CEBPZ: variants seen among roughly 807,000 people sequenced by gnomAD.
The protein encoded by CEBPZ is CCAAT enhancer binding protein zeta.
A neutral mutation model predicts 104.5 loss-of-function variants in CEBPZ; 78 were observed. The observed-to-expected ratio is 0.75, with a 90% CI of 0.62 to 0.90. The LOEUF (loss-of-function observed/expected upper bound fraction) is 0.90. Among genes scored for constraint, CEBPZ ranks in the 40% least tolerant of loss-of-function variants. The pLI is 0.00. For synonymous variants in CEBPZ, 470 were observed against 427.0 expected (o/e 1.10, Z -1.24); for missense variants, 1,439 against 1,233.5 (o/e 1.17, Z -2.50).
chr2:37,202,173 C>CA (rs1677280106), intron 15 of CEBPZ: 1 of 245,772 alleles, frequency 4.1e-6, no homozygotes, highest in Admixed American at 5.4e-5. Context: ...AAATAAAAAC[C>CA]AGTAACAATC....
intron 13 of CEBPZ, chr2:37,203,478 C>T (rs1677384534): frequency 6.6e-6 from 1 of 152,184 alleles, no homozygotes; most frequent in Non-Finnish European, 1.5e-5. Context: ...AAAAACTTAT[C>T]TGTAGTACTG....
intron 1 of CEBPZ, 148 bp from the exon 2 acceptor site, chr2:37,229,184 A>G (rs1051638981): frequency 3.1e-5 from 20 of 645,282 alleles, no homozygotes; most frequent in Non-Finnish European, 4.3e-5. Context: ...CCACAAAGGA[A>G]AGGATAAGTA....
intron 1 of CEBPZ, among the ~76,000 whole-genome samples, chr2:37,230,657 T>TGCC (rs1178382766): frequency 6.6e-6 from 1 of 152,206 alleles, no homozygotes; most frequent in African/African-American, 2.4e-5. Context: ...AGCAAAAGCC[T>TGCC]GCCCTCTGAC....
intron 2 of CEBPZ, among the ~76,000 whole-genome samples, chr2:37,224,782 T>C (rs1415380376): frequency 2.0e-5 from 3 of 152,200 alleles, no homozygotes; most frequent in Non-Finnish European, 4.4e-5. Flanking sequence ...GTTTTCTTAA[T>C]GTGAAGGATT....
At chr2:37,213,554 G>C (rs1453645274) in intron 10 of CEBPZ, 3 of 205,330 alleles carry the variant, frequency 1.5e-5, no homozygotes, top group African/African-American at 7.1e-5. Flanking sequence ...TGGGACTACA[G>C]GTGCGTGCCA....
At chr2:37,231,181 C>T in intron 1 of CEBPZ, 2 of 697,280 alleles carry the variant, frequency 2.9e-6, no homozygotes, top group Non-Finnish European at 5.3e-6. Flanking sequence ...ATCAGAAGAT[C>T]GCCTACATCC....
rs1433177416 is a variant in CEBPZ, at chr2:37,220,417, C to A, written c.2122G>T (p.Ala708Ser). 6.3e-7 allele frequency: 1 copy of A among 1,595,424 alleles called. No individual in the cohort carries two copies. The highest frequency in any genetic ancestry group is 1.7e-5 in the Admixed American group (1 of 58,280). The change falls in exon 5 of 16, where the codon GCT becomes TCT. Residue 708 changes from alanine to serine, a missense_variant. Transcript: ENST00000234170. ...PFSRNPLFCG[A>S]ENTSLWELKK... ...AGTTCCCAAAGACTTGTATTTTCAGCTCCACAGAACAGAGGGTTTCTACTG... is the reference window on the plus strand; with the variant it reads ...AGTTCCCAAAGACTTGTATTTTCAGATCCACAGAACAGAGGGTTTCTACTG...
chr2:37,203,999 C>T (rs11902292), intron 13 of CEBPZ: 7,981 of 152,196 alleles, frequency 0.052, 225 homozygotes, highest in African/African-American at 0.06. Flanking sequence ...CAATCATGTA[C>T]AAGTCTTTGT....
intron 3 of CEBPZ, among the ~76,000 whole-genome samples, 160 bp from the exon 4 acceptor site, chr2:37,222,723 G>C (rs1405053652): frequency 1.3e-5 from 2 of 152,182 alleles, no homozygotes; most frequent in Non-Finnish European, 2.9e-5. Flanking sequence ...ATTTAAACAA[G>C]AGAGGAGATT....
intron 4 of CEBPZ, among the ~76,000 whole-genome samples, chr2:37,221,256 C>T (rs796209591): frequency 3.3e-5 from 5 of 152,076 alleles, no homozygotes; most frequent in South Asian, 4.1e-4. Context: ...TTTGAGGCTG[C>T]AGTGAGCCAT....
At chr2:37,229,066 T>A in intron 1 of CEBPZ, 30 bp from the exon 2 acceptor site, 1 of 1,411,792 alleles carries the variant, frequency 7.1e-7, no homozygotes, top group African/African-American at 1.5e-5. Flanking sequence ...TAAAAATACA[T>A]TACAAATGTG....
intron 2 of CEBPZ, among the ~76,000 whole-genome samples, chr2:37,226,098 C>T (rs1006852219): frequency 1.1e-4 from 17 of 151,910 alleles, no homozygotes; most frequent in Admixed American, 9.2e-4. Flanking sequence ...CGAGAAACAC[C>T]GACAGATGAT....
Position 37,220,402 on chromosome 2 carries a change from G to A in CEBPZ, c.2137C>T (p.Leu713Phe), listed in dbSNP as rs1211634848. ...PLFCGAENTS[L>F]WELKKLSVHF... ...TATTTTACCTTTTTGAGTTCCCAAA[G>A]ACTTGTATTTTCAGCTCCACAGAAC... The change falls in exon 5 of 16, where the codon CTT (leucine) becomes TTT (phenylalanine). Residue 713 changes from leucine to phenylalanine, a missense_variant. Transcript: ENST00000234170. The A allele has an allele frequency of 6.3e-7, 1 of 1,580,030 alleles. No individual in the cohort carries two copies.
chr2:37,228,949 C>G lies in CEBPZ; in HGVS notation c.244G>C (p.Gly82Arg), dbSNP rs1034048318. 6.2e-7 allele frequency: 1 copy of G among 1,610,798 alleles called. No homozygotes were observed. Among genetic ancestry groups the G allele is most frequent in the Admixed American group, 1.7e-5 (1 of 59,628 alleles). Residue 82 changes from glycine (G) to arginine (R), a missense_variant, in exon 2 of 16, where the codon GGT becomes CGT. Gly to Arg is a moderately radical substitution (Grantham distance 125). Transcript: ENST00000234170. Reference protein sequence around the residue: ...KKGAIDDLQQGELEAFIQNLN... With the variant: ...KKGAIDDLQQRELEAFIQNLN... ...TTTTGAATAAATGCTTCCAATTCACCTTGCTGAAGGTCATCGATTGCTCCT... is the reference window on the plus strand; with the variant it reads ...TTTTGAATAAATGCTTCCAATTCACGTTGCTGAAGGTCATCGATTGCTCCT...
chr2:37,227,972 C>T lies in CEBPZ; in HGVS notation c.1221G>A (p.Glu407=), dbSNP rs567823759. The change falls in exon 2 of 16, where the codon GAG becomes GAA. Residue 407 remains glutamate (E), a synonymous_variant. Coordinates refer to ENST00000234170, the MANE Select transcript of CEBPZ (RefSeq NM_005760.3). ...TATTGGGATGTTTACAAAGTAATGT[C>T]TCTAACAGATGGGATGCTTTTGTGG... is the stretch of plus-strand genomic sequence containing the variant. ...RIATKASHLL[E]TLLCKHPNMK... The T allele has an allele frequency of 6.2e-7, 1 of 1,614,168 alleles. No homozygotes were observed. The highest frequency in any genetic ancestry group is 8.5e-7 in the Non-Finnish European group (1 of 1,180,032).
chr2:37,225,321 G>C (rs1220222664), intron 2 of CEBPZ, among the ~76,000 whole-genome samples: 2 of 152,140 alleles, frequency 1.3e-5, no homozygotes, highest in African/African-American at 4.8e-5. Context: ...CTCACAGTGT[G>C]GGGAAAAGGA....
chr2:37,210,854 A>C (rs1005479227), intron 13 of CEBPZ, 145 bp downstream of exon 13: 1 of 493,622 alleles, frequency 2.0e-6, no homozygotes, highest in Non-Finnish European at 3.6e-6. Context: ...GTGGAAAATA[A>C]TTTCCACTTA....
chr2:37,219,111 T>A (rs1306081430), intron 5 of CEBPZ, among the ~76,000 whole-genome samples: 1 of 152,202 alleles, frequency 6.6e-6, no homozygotes, highest in Non-Finnish European at 1.5e-5. Context: ...TGACAACAAA[T>A]ACTGCCAGCT....
intron 1 of CEBPZ, 80 bp downstream of exon 1, chr2:37,231,332 G>A: frequency 6.3e-7 from 1 of 1,597,820 alleles, no homozygotes; most frequent in South Asian, 1.1e-5. Flanking sequence ...TACGCAGCGC[G>A]GAAGCGGCGG....
Sources: gnomAD v4.1 joint callset for allele counts (sites outside exome capture counted in the v4.1 genomes callset) on GRCh38, gnomAD v4.1.1 for gene constraint, MANE v1.5 for transcripts, NCBI Gene and HGNC (gene_info 2026-07-23, HGNC 2026-07-21) for gene names.